Variants in TNRC6C observed in about 807,000 individuals in gnomAD.
TNRC6C encodes trinucleotide repeat containing adaptor 6C, also known as trinucleotide repeat-containing gene 6C protein.
TNRC6C carries 20 observed loss-of-function variants against 153.7 expected under a neutral mutation model. The ratio of observed to expected loss-of-function variants is 0.13; its 90% CI spans 0.09 to 0.19. The LOEUF (loss-of-function observed/expected upper bound fraction) is 0.19. Ranked by LOEUF, TNRC6C falls within the 10% of genes least tolerant of loss-of-function variation. The pLI is 1.00. For missense variants in TNRC6C, 1,987 were observed against 2,172.0 expected (o/e 0.91, Z 1.69); for synonymous variants, 811 against 841.4 (o/e 0.96, Z 0.63).
chr17:77,989,504 C>T (rs974834851), intron 1 of TNRC6C, among the ~76,000 whole-genome samples: 1 of 152,196 alleles, frequency 6.6e-6, no homozygotes, highest in African/African-American at 2.4e-5. Context: ...TGGGAAATCT[C>T]TTCACCTGCT....
intron 1 of TNRC6C, among the ~76,000 whole-genome samples, chr17:78,011,607 T>C (rs2071632840): frequency 6.6e-6 from 1 of 152,244 alleles, no homozygotes; most frequent in South Asian, 2.1e-4. Context: ...TCTGCGTTTT[T>C]CCAGTTTTGA....
intron 13 of TNRC6C, among the ~76,000 whole-genome samples, chr17:78,090,492 T>C (rs2073374037): frequency 6.6e-6 from 1 of 152,194 alleles, no homozygotes; most frequent in Admixed American, 6.5e-5. Context: ...GGTATGTGTA[T>C]GTGGTAAGGG....
intron 1 of TNRC6C, among the ~76,000 whole-genome samples, chr17:78,016,472 A>G (rs2071730870): frequency 6.6e-6 from 1 of 152,224 alleles, no homozygotes; most frequent in African/African-American, 2.4e-5. Context: ...AGACCATTTT[A>G]ACTACTTGCT....
chr17:78,076,173 G>T (rs2073079807), intron 8 of TNRC6C, among the ~76,000 whole-genome samples: 1 of 151,110 alleles, frequency 6.6e-6, no homozygotes, highest in South Asian at 2.1e-4. Context: ...CTGAGATCGT[G>T]CCATTGCACT....
chr17:78,051,439 C>T, exon 3 of TNRC6C: 1 of 1,479,502 alleles, frequency 6.8e-7, no homozygotes, highest in Non-Finnish European at 9.0e-7. Context: ...ATCACCGTTG[C>T]TTGGTCCAGG....
chr17:78,017,275 TG>T (rs1336152775), intron 1 of TNRC6C, among the ~76,000 whole-genome samples: 1 of 152,188 alleles, frequency 6.6e-6, no homozygotes, highest in East Asian at 1.9e-4. Context: ...AGTTATGACT[TG>T]GGTGATTGAA....
In TNRC6C at chr17:78,104,128, G is replaced by A. The variant is rs1264991724; in HGVS notation, c.4713-357G>A. Among the ~76,000 whole-genome samples the A allele has an allele frequency of 6.6e-6, 1 of 152,202 alleles. No individual in the cohort carries two copies. Among genetic ancestry groups the A allele is most frequent in the African/African-American group, 2.4e-5 (1 of 41,452 alleles). ...CAACCCTTCACCCTAGTGAAAGGTT[G>A]CTTTTGATAGAAGTACGAGTAGACC... is the stretch of plus-strand genomic sequence containing the variant. On this transcript the variant is annotated intron_variant, in intron 19 of 19. Coordinates refer to ENST00000301624, the Ensembl canonical transcript of TNRC6C. The surrounding 1 kb of genome is among the most constrained non-coding windows in gnomAD (Gnocchi z 6.2).
chr17:77,997,129 G>A lies in TNRC6C; in HGVS notation c.-37-7041G>A, dbSNP rs75152778. 2.7e-4 allele frequency among the ~76,000 whole-genome samples: 41 copies of A among 152,276 alleles called. No individual in the cohort carries two copies. In the East Asian group the frequency reaches 5.8e-3, roughly 21 times the overall value. On this transcript the variant is annotated intron_variant, in intron 1 of 22. Coordinates refer to the TNRC6C transcript ENST00000636222. ...GAAAAGGTGAGAGGCCAAGAGACGC[G>A]TTTCTTAAGAAGCGTGGTCAGTTCA...
chr17:78,100,405 T>C (rs1255736750), intron 17 of TNRC6C, among the ~76,000 whole-genome samples: 1 of 152,244 alleles, frequency 6.6e-6, no homozygotes, highest in Non-Finnish European at 1.5e-5. Context: ...ACCTCAGTTC[T>C]TCACTTCTGT....
At chr17:78,090,461 A>G (rs1204086574) in intron 13 of TNRC6C, among the ~76,000 whole-genome samples, 1 of 152,210 alleles carries the variant, frequency 6.6e-6, no homozygotes, top group African/African-American at 2.4e-5. Flanking sequence ...GTGGCGTAGT[A>G]CTTACGGTAA....
intron 16 of TNRC6C, 48 bp from the exon 20 acceptor site, chr17:78,098,295 T>C: frequency 6.6e-7 from 1 of 1,515,020 alleles, no homozygotes; most frequent in South Asian, 1.3e-5. Context: ...CAGTGAGTTT[T>C]CTTCTTTGTC....
chr17:78,048,718 T>A (rs1436428536), intron 2 of TNRC6C, 127 bp from the exon 5 acceptor site: 11 of 955,444 alleles, frequency 1.2e-5, no homozygotes, highest in Non-Finnish European at 1.5e-5. Flanking sequence ...TTTAAGTCAT[T>A]TTTTTAGTGT....
intron 17 of TNRC6C, among the ~76,000 whole-genome samples, chr17:78,099,205 G>T (rs906956618): frequency 2.6e-5 from 4 of 152,220 alleles, no homozygotes; most frequent in African/African-American, 7.2e-5. Flanking sequence ...CTGCTGGGGA[G>T]GCTGAGACAG....
intron 2 of TNRC6C, among the ~76,000 whole-genome samples, chr17:78,041,954 T>C (rs2072305312): frequency 6.6e-6 from 1 of 152,242 alleles, no homozygotes; most frequent in African/African-American, 2.4e-5. Flanking sequence ...TTGTCCACAC[T>C]TTCATATCTG....
At chr17:78,031,309 G>A (rs1027542757) in intron 1 of TNRC6C, among the ~76,000 whole-genome samples, 1 of 152,036 alleles carries the variant, frequency 6.6e-6, no homozygotes, top group Non-Finnish European at 1.5e-5. Flanking sequence ...CAAGGCCCAG[G>A]AATAGCTGGC....
intron 16 of TNRC6C, chr17:78,097,774 A>T: frequency 6.4e-7 from 1 of 1,551,064 alleles, no homozygotes; most frequent in Non-Finnish European, 8.7e-7. Context: ...TCAGAATGCC[A>T]CGCTGCCTTC....
chr17:78,027,171 A>G (rs775265614), intron 1 of TNRC6C, among the ~76,000 whole-genome samples: 2 of 152,162 alleles, frequency 1.3e-5, no homozygotes, highest in Non-Finnish European at 2.9e-5. Context: ...TGAGGGGTCA[A>G]AAGATAACAG....
At chr17:78,056,814 T>C (rs1439296395) in intron 3 of TNRC6C, among the ~76,000 whole-genome samples, 6 of 140,288 alleles carry the variant, frequency 4.3e-5, no homozygotes, top group Non-Finnish European at 8.0e-5. Flanking sequence ...GGGAGCTTCA[T>C]GCTGAGAAAG....
chr17:77,982,893 T>C (rs2071101158), intron 1 of TNRC6C, among the ~76,000 whole-genome samples: 1 of 151,934 alleles, frequency 6.6e-6, no homozygotes, highest in South Asian at 2.1e-4. Flanking sequence ...ACAGACAAAA[T>C]GGACTTTAAG....
Sources: allele counts gnomAD v4.1 joint callset (sites outside exome capture counted in the v4.1 genomes callset), GRCh38; gene constraint gnomAD v4.1.1; non-coding constraint Gnocchi (gnomAD v3.1); transcripts MANE v1.5; gene names NCBI Gene and HGNC (gene_info 2026-07-23, HGNC 2026-07-21).